NLGN1: variants seen among roughly 807,000 people sequenced by gnomAD.
NLGN1 encodes neuroligin 1.
In NLGN1, 12 loss-of-function variants were observed where a neutral mutation model predicts 65.5. The observed-to-expected ratio is 0.18, with a 90% CI of 0.12 to 0.30. NLGN1 has a LOEUF of 0.30. Ranked by LOEUF, NLGN1 falls within the 10% of genes least tolerant of loss-of-function variation. The pLI, the probability that NLGN1 is intolerant of heterozygous loss-of-function variation, is 1.00. For missense variants in NLGN1, 750 were observed against 1,007.1 expected (o/e 0.74, Z 3.46); for synonymous variants, 350 against 359.5 (o/e 0.97, Z 0.30).
the NLGN1 span, among the ~76,000 whole-genome samples, chr3:174,292,297 C>T: frequency 6.6e-5 from 10 of 151,310 alleles, no homozygotes; most frequent in East Asian, 1.9e-4. Context: ...AAATTCACCA[C>T]GCACACAAAC....
chr3:173,469,407 T>G (rs1457501443), intron 2 of NLGN1, among the ~76,000 whole-genome samples: 1 of 152,078 alleles, frequency 6.6e-6, no homozygotes, highest in Non-Finnish European at 1.5e-5. Flanking sequence ...GATCCCCTCC[T>G]TTTCTAATAG....
intron 4 of NLGN1, among the ~76,000 whole-genome samples, chr3:174,045,480 T>A: frequency 6.6e-6 from 1 of 152,100 alleles, no homozygotes; most frequent in East Asian, 1.9e-4. Flanking sequence ...AGGCCTCTCC[T>A]GCAATACATG....
intron 2 of NLGN1, among the ~76,000 whole-genome samples, chr3:173,453,675 G>A (rs1429266500): frequency 2.0e-5 from 3 of 152,146 alleles, no homozygotes; most frequent in African/African-American, 7.2e-5. Flanking sequence ...ATTCAAGTTT[G>A]TTCACGAGAT....
intron 4 of NLGN1, among the ~76,000 whole-genome samples, chr3:174,254,894 C>A (rs1049817318): frequency 6.6e-6 from 1 of 152,126 alleles, no homozygotes; most frequent in Non-Finnish European, 1.5e-5. Context: ...TTAACTAATT[C>A]TCCCTTGTTA....
intron 4 of NLGN1, among the ~76,000 whole-genome samples, chr3:173,968,261 A>G (rs948555900): frequency 6.6e-6 from 1 of 152,108 alleles, no homozygotes; most frequent in African/African-American, 2.4e-5. Flanking sequence ...ACATCTTTTC[A>G]CCCTGTAGAA....
intron 2 of NLGN1, among the ~76,000 whole-genome samples, chr3:173,489,953 T>G (rs1576941549): frequency 2.0e-5 from 3 of 152,316 alleles, no homozygotes; most frequent in Admixed American, 2.0e-4. Flanking sequence ...TCTTGTAAAT[T>G]TGTTTGTGTT....
At chr3:174,248,300 T>G (rs995283019) in intron 4 of NLGN1, among the ~76,000 whole-genome samples, 33 of 152,162 alleles carry the variant, frequency 2.2e-4, no homozygotes, top group African/African-American at 8.0e-4. Context: ...CCCTCAACCT[T>G]CTCAAATGTT....
At chr3:174,089,328 A>G (rs1744062543) in intron 4 of NLGN1, among the ~76,000 whole-genome samples, 1 of 152,158 alleles carries the variant, frequency 6.6e-6, no homozygotes, top group Non-Finnish European at 1.5e-5. Context: ...CATTCTCAGT[A>G]CGTGGTTCTT....
intron 4 of NLGN1, among the ~76,000 whole-genome samples, chr3:174,205,904 T>C (rs17184062): frequency 0.2 from 31,068 of 152,124 alleles, 3,542 homozygotes; most frequent in African/African-American, 0.3. Context: ...AATAACTACA[T>C]GTAAAGTGCT....
chr3:174,238,303 T>C lies in NLGN1; in HGVS notation c.647-37012T>C, dbSNP rs1471355915. On this transcript the variant is annotated intron_variant, in intron 4 of 6. Transcript: ENST00000457714. The stretch of plus-strand genomic sequence containing the variant: ...GTTAAATAGACATTTCTTCAATCTC[T>C]ACTTTCTGTTTTTTCTTTTTTATTT... Among the ~76,000 whole-genome samples, 4 of 142,252 alleles carry C rather than the reference T, an allele frequency of 2.8e-5. No homozygotes were observed. In the East Asian group the frequency reaches 8.5e-4, roughly 30 times the overall value. The allele number at this position is 142,252 out of a possible 152,430, so 93.3% of individuals were successfully genotyped here.
intron 4 of NLGN1, among the ~76,000 whole-genome samples, chr3:173,983,779 T>G (rs1027464773): frequency 1.3e-5 from 2 of 152,146 alleles, no homozygotes; most frequent in Non-Finnish European, 2.9e-5. Context: ...CTCCCCAAGC[T>G]AAAGCAACCC....
chr3:174,200,910 C>T (rs1734327742), intron 4 of NLGN1, among the ~76,000 whole-genome samples: 1 of 152,142 alleles, frequency 6.6e-6, no homozygotes, highest in African/African-American at 2.4e-5. Flanking sequence ...GTAGTGTCCA[C>T]AGACTATACA....
chr3:173,424,301 T>C (rs1175098023), intron 1 of NLGN1, among the ~76,000 whole-genome samples: 6 of 152,166 alleles, frequency 3.9e-5, no homozygotes, highest in Admixed American at 1.3e-4. Flanking sequence ...TGGGGACATT[T>C]TCCCCATTGT....
At chr3:173,987,017 A>G (rs192796376) in intron 4 of NLGN1, among the ~76,000 whole-genome samples, 1 of 152,344 alleles carries the variant, frequency 6.6e-6, no homozygotes, top group East Asian at 1.9e-4. Flanking sequence ...TTGGAAAGAT[A>G]AAAGGCAATG....
At chr3:174,160,446 C>T (rs915175904) in intron 4 of NLGN1, among the ~76,000 whole-genome samples, 2 of 151,604 alleles carry the variant, frequency 1.3e-5, no homozygotes, top group East Asian at 1.9e-4. Flanking sequence ...TTGGCATTCT[C>T]TAACAATGAA....
chr3:173,855,884 A>G (rs1268023764), intron 4 of NLGN1, among the ~76,000 whole-genome samples: 1 of 152,104 alleles, frequency 6.6e-6, no homozygotes. Context: ...ATCATACACT[A>G]CCACATCACT....
chr3:173,795,468 A>T (rs1000704158), intron 3 of NLGN1, among the ~76,000 whole-genome samples: 2 of 152,132 alleles, frequency 1.3e-5, no homozygotes, highest in African/African-American at 4.8e-5. Context: ...AGTAATATCA[A>T]ATTAGCGAGA....
chr3:173,870,259 A>C (rs1247887756), intron 4 of NLGN1, among the ~76,000 whole-genome samples: 1 of 152,228 alleles, frequency 6.6e-6, no homozygotes, highest in Non-Finnish European at 1.5e-5. Context: ...ATTCATTTAC[A>C]TATATTTCCT....
intron 2 of NLGN1, among the ~76,000 whole-genome samples, chr3:173,514,524 C>A (rs1205658508): frequency 6.6e-6 from 1 of 151,658 alleles, no homozygotes; most frequent in Non-Finnish European, 1.5e-5. Flanking sequence ...CACTTAGCAT[C>A]AGATCTACCC....
Sources: gnomAD v4.1 joint callset for allele counts (sites outside exome capture counted in the v4.1 genomes callset) on GRCh38, gnomAD v4.1.1 for gene constraint, MANE v1.5 for transcripts, NCBI Gene and HGNC (gene_info 2026-07-23, HGNC 2026-07-21) for gene names.